The following ARHGAP19 variants were observed in gnomAD, a reference collection of about 807,000 sequenced individuals.
ARHGAP19 encodes Rho GTPase activating protein 19.
A neutral mutation model predicts 60.9 loss-of-function variants in ARHGAP19; 48 were observed. The ratio of observed to expected loss-of-function variants is 0.79; its 90% CI spans 0.62 to 1.00. ARHGAP19 has a LOEUF of 1.00. Among genes scored for constraint, ARHGAP19 ranks in the 50% least tolerant of loss-of-function variants. ARHGAP19 has a pLI of 0.00. For synonymous variants in ARHGAP19, 209 were observed against 215.5 expected (o/e 0.97, Z 0.27); for missense variants, 562 against 597.2 (o/e 0.94, Z 0.61).
chr10:97,244,230 C>T, intron 7 of ARHGAP19, 71 bp from the exon 8 acceptor site: 2 of 1,343,914 alleles, frequency 1.5e-6, no homozygotes, highest in Non-Finnish European at 2.0e-6. Flanking sequence ...TTACAAAAAC[C>T]TGGAACAAAA....
intron 1 of ARHGAP19, among the ~76,000 whole-genome samples, chr10:97,281,838 A>T (rs1458843730): frequency 6.6e-6 from 1 of 152,180 alleles, no homozygotes; most frequent in East Asian, 1.9e-4. Flanking sequence ...GACGTGTAGG[A>T]GTTAGACAGT....
chr10:97,234,039 G>C (rs897743402), intron 9 of ARHGAP19, among the ~76,000 whole-genome samples: 5 of 151,842 alleles, frequency 3.3e-5, no homozygotes, highest in African/African-American at 1.2e-4. Flanking sequence ...GGCTGAGGCG[G>C]GTGAATCACC....
chr10:97,250,769 A>T (rs1014990799), intron 6 of ARHGAP19, among the ~76,000 whole-genome samples: 12 of 151,774 alleles, frequency 7.9e-5, no homozygotes, highest in African/African-American at 2.7e-4. Context: ...TATTTCATTT[A>T]AAAAAAAGAA....
At chr10:97,274,744 T>C (rs1421848917) in intron 1 of ARHGAP19, among the ~76,000 whole-genome samples, 1 of 152,190 alleles carries the variant, frequency 6.6e-6, no homozygotes, top group African/African-American at 2.4e-5. Flanking sequence ...TAAAGACTAA[T>C]TTCCTCATCA....
intron 9 of ARHGAP19, among the ~76,000 whole-genome samples, chr10:97,230,585 A>G (rs1850989253): frequency 6.6e-6 from 1 of 152,212 alleles, no homozygotes; most frequent in African/African-American, 2.4e-5. Context: ...AATTCTAAAA[A>G]AAGAACATAT....
At chr10:97,272,077 T>C (rs1053481346) in intron 1 of ARHGAP19, among the ~76,000 whole-genome samples, 5 of 151,906 alleles carry the variant, frequency 3.3e-5, no homozygotes, top group Non-Finnish European at 5.9e-5. Context: ...AATGTCTTCA[T>C]TAGGTTTTAT....
At chr10:97,273,030 C>T (rs1253386) in intron 1 of ARHGAP19, among the ~76,000 whole-genome samples, 35,727 of 151,624 alleles carry the variant, frequency 0.24, 4,603 homozygotes, top group Non-Finnish European at 0.3. Flanking sequence ...TTAGTGGAGA[C>T]GGGGTTTCAC....
chr10:97,250,214 G>T (rs1842623506), intron 6 of ARHGAP19, among the ~76,000 whole-genome samples: 1 of 152,078 alleles, frequency 6.6e-6, no homozygotes, highest in Non-Finnish European at 1.5e-5. Flanking sequence ...CATATATAGA[G>T]AGAGATAAAG....
chr10:97,266,274 C>T, intron 1 of ARHGAP19, 149 bp from the exon 2 acceptor site: 3 of 839,676 alleles, frequency 3.6e-6, no homozygotes, highest in Non-Finnish European at 5.5e-6. Context: ...CCCTTGAACA[C>T]TGTTCCTTAT....
chr10:97,288,918 G>A (rs950736754), intron 1 of ARHGAP19, among the ~76,000 whole-genome samples: 5 of 146,970 alleles, frequency 3.4e-5, no homozygotes, highest in African/African-American at 5.1e-5. Flanking sequence ...GGATTCAAGC[G>A]ATTCTCCTGC....
chr10:97,258,911 C>A (rs1842790933), intron 5 of ARHGAP19, among the ~76,000 whole-genome samples: 1 of 152,062 alleles, frequency 6.6e-6, no homozygotes, highest in South Asian at 2.1e-4. Context: ...TCAGCTTTAT[C>A]CAAGGAGACT....
Position 97,259,623 on chromosome 10 carries a change from T to C in ARHGAP19, c.619A>G (p.Met207Val). 6.2e-7 allele frequency: 1 copy of C among 1,613,550 alleles called. No individual in the cohort carries two copies. Among genetic ancestry groups the C allele is most frequent in the Non-Finnish European group, 8.5e-7 (1 of 1,179,622 alleles). ...TTGTTTCCTTTATCATCAAACTGCA[T>C]CAAATCTTGAGGACAAAAGAGAATT... The part of the protein sequence containing the change: ...FNAHLKIADL[M>V]QFDDKGNKTN... The change falls in exon 5 of 12, where the codon ATG (methionine) becomes GTG (valine). Residue 207 changes from methionine (M) to valine (V), a missense_variant. Coordinates refer to ENST00000358531, the MANE Select transcript of ARHGAP19 (RefSeq NM_032900.6).
intron 1 of ARHGAP19, among the ~76,000 whole-genome samples, chr10:97,290,612 G>C (rs1004545085): frequency 1.3e-5 from 2 of 152,040 alleles, no homozygotes; most frequent in Admixed American, 6.6e-5. Flanking sequence ...CCACCATCTT[G>C]GGAGCTCTGT....
chr10:97,252,911 A>G (rs944928366), intron 6 of ARHGAP19, among the ~76,000 whole-genome samples: 7 of 152,310 alleles, frequency 4.6e-5, no homozygotes, highest in Middle Eastern at 3.4e-3. Context: ...GTAAGTGTCC[A>G]TCAATGGATG....
In ARHGAP19 at chr10:97,258,037, A is replaced by G. The variant is rs551941318; in HGVS notation, c.840+1365T>C. On this transcript the variant is annotated intron_variant, in intron 5 of 11. Transcript: ENST00000358531. Reference sequence around the variant, plus strand: ...ATTTTCTTCAACATCTTTTCATTATAACATTGATGAGAAAAATAATTTGTT... The same window carrying G: ...ATTTTCTTCAACATCTTTTCATTATGACATTGATGAGAAAAATAATTTGTT... 2.0e-5 allele frequency among the ~76,000 whole-genome samples: 3 copies of G among 152,278 alleles called. No individual in the cohort carries two copies. The East Asian group carries it at 5.8e-4, about 29-fold the overall frequency.
chr10:97,230,822 T>G (rs943486302), intron 9 of ARHGAP19, among the ~76,000 whole-genome samples: 1 of 151,960 alleles, frequency 6.6e-6, no homozygotes, highest in Non-Finnish European at 1.5e-5. Flanking sequence ...TCTCAGCACT[T>G]TGGGACGCTG....
In ARHGAP19 at chr10:97,229,128, G is replaced by C; in HGVS notation, c.1474+19C>G. ...AGGAATTACATTTAGTAAGAACAGA[G>C]AGTAAGTACAATTAGTACCTTTTTT... On this transcript the variant is annotated intron_variant, in intron 11 of 11. Transcript: ENST00000358531. The C allele has an allele frequency of 2.5e-6, 4 of 1,597,120 alleles. No individual in the cohort carries two copies. Among genetic ancestry groups the C allele is most frequent in the Non-Finnish European group, 8.6e-7 (1 of 1,164,434 alleles).
intron 6 of ARHGAP19, among the ~76,000 whole-genome samples, chr10:97,249,797 C>CTTTTTTTTTTTT (rs34158492): frequency 9.2e-6 from 1 of 109,032 alleles, no homozygotes; most frequent in Non-Finnish European, 1.8e-5. Flanking sequence ...TAGTGTGATT[C>CTTTTTTTTTTTT]TTTTTTTTTT....
chr10:97,233,052 G>A (rs1033832297), intron 9 of ARHGAP19, among the ~76,000 whole-genome samples: 3 of 152,114 alleles, frequency 2.0e-5, no homozygotes, highest in Non-Finnish European at 4.4e-5. Context: ...GGGAGGCTGA[G>A]GTGGAAGAAT....
Sources: allele counts gnomAD v4.1 joint callset (sites outside exome capture counted in the v4.1 genomes callset), GRCh38; gene constraint gnomAD v4.1.1; transcripts MANE v1.5; gene names NCBI Gene and HGNC (gene_info 2026-07-23, HGNC 2026-07-21).